The following AASDH variants were observed in gnomAD, a reference collection of about 807,000 sequenced individuals.
AASDH encodes the protein beta-alanine-activating enzyme.
A neutral mutation model predicts 102.3 loss-of-function variants in AASDH; 81 were observed. That is an observed-to-expected ratio of 0.79 (90% confidence interval 0.66 to 0.95). AASDH has a LOEUF of 0.95. Among genes scored for constraint, AASDH ranks in the 40% least tolerant of loss-of-function variants. The pLI, the probability that AASDH is intolerant of heterozygous loss-of-function variation, is 0.00. For missense variants in AASDH, 1,203 were observed against 1,266.2 expected (o/e 0.95, Z 0.76); for synonymous variants, 398 against 454.0 (o/e 0.88, Z 1.57).
intron 6 of AASDH, 138 bp downstream of exon 6, chr4:56,355,044 T>C: frequency 8.7e-7 from 1 of 1,148,798 alleles, no homozygotes; most frequent in Non-Finnish European, 1.2e-6. Context: ...AGGAAGGTTC[T>C]GGATTCCCAA....
chr4:56,380,480 G>A (rs1752830598), intron 3 of AASDH, among the ~76,000 whole-genome samples: 1 of 152,072 alleles, frequency 6.6e-6, no homozygotes, highest in Non-Finnish European at 1.5e-5. Flanking sequence ...TAGGGGATGT[G>A]GTGTGGCCTG....
chr4:56,362,607 G>A (rs1750440597), intron 5 of AASDH, among the ~76,000 whole-genome samples: 1 of 152,078 alleles, frequency 6.6e-6, no homozygotes, highest in Non-Finnish European at 1.5e-5. Flanking sequence ...AATTAGGTCT[G>A]GGTAAGGTTT....
At chr4:56,340,802 A>G (rs1411083654) in intron 14 of AASDH, among the ~76,000 whole-genome samples, 3 of 152,240 alleles carry the variant, frequency 2.0e-5, no homozygotes, top group South Asian at 2.1e-4. Context: ...TATATAGAAT[A>G]TGAGGAACTC....
At chr4:56,346,948 G>C (rs560619870) in intron 11 of AASDH, among the ~76,000 whole-genome samples, 2 of 151,994 alleles carry the variant, frequency 1.3e-5, no homozygotes, top group African/African-American at 2.4e-5. Context: ...AGCTGAGGTG[G>C]GAGCATCACC....
intron 1 of AASDH, among the ~76,000 whole-genome samples, chr4:56,385,857 C>A (rs1178134842): frequency 6.6e-6 from 1 of 152,160 alleles, no homozygotes; most frequent in Non-Finnish European, 1.5e-5. Context: ...GATCCACCTA[C>A]CTTGGCCTCC....
At chr4:56,357,836 T>C (rs1253552998) in intron 5 of AASDH, among the ~76,000 whole-genome samples, 1 of 151,782 alleles carries the variant, frequency 6.6e-6, no homozygotes, top group Non-Finnish European at 1.5e-5. Context: ...GGACTGGGTT[T>C]CACTGTTCCA....
chr4:56,355,020 C>T (rs1749433177), intron 6 of AASDH, among the ~76,000 whole-genome samples, 162 bp downstream of exon 6: 1 of 152,152 alleles, frequency 6.6e-6, no homozygotes, highest in Non-Finnish European at 1.5e-5. Flanking sequence ...AGTATCTTGG[C>T]ACCAGCTATA....
intron 5 of AASDH, among the ~76,000 whole-genome samples, chr4:56,365,754 A>G (rs1237126962): frequency 6.6e-6 from 1 of 152,244 alleles, no homozygotes; most frequent in Non-Finnish European, 1.5e-5. Context: ...CTAAATGCCC[A>G]CAAGAGAAAG....
chr4:56,368,970 A>G (rs1024807299), intron 5 of AASDH, among the ~76,000 whole-genome samples: 2 of 152,066 alleles, frequency 1.3e-5, no homozygotes, highest in South Asian at 2.1e-4. Context: ...AAGAAAAGGC[A>G]CGTGCCTCAC....
chr4:56,379,616 C>T (rs529390579), intron 3 of AASDH, among the ~76,000 whole-genome samples: 6 of 152,196 alleles, frequency 3.9e-5, no homozygotes, highest in Non-Finnish European at 8.8e-5. Context: ...TTTTCAAAAA[C>T]ACCAGACATA....
Position 56,384,066 on chromosome 4 carries a change from T to G in AASDH, c.230+4A>C. ...ATCAAATTTACAGTTCTAAAAAATA[T>G]TACCCTAAAATCCAAGAGGGTAAGT... On this transcript the variant is annotated splice_donor_region_variant and intron_variant, in intron 2 of 14. Coordinates refer to ENST00000205214, the MANE Select transcript of AASDH (RefSeq NM_181806.4). The G allele has an allele frequency of 6.2e-7, 1 of 1,608,462 alleles. No individual in the cohort carries two copies. Among genetic ancestry groups the G allele is most frequent in the Non-Finnish European group, 8.5e-7 (1 of 1,175,068 alleles).
chr4:56,360,732 T>C (rs954503319), intron 5 of AASDH, among the ~76,000 whole-genome samples: 9 of 152,198 alleles, frequency 5.9e-5, no homozygotes, highest in Admixed American at 5.9e-4. Context: ...TTTTAAATTG[T>C]TTCTCTCAAT....
chr4:56,355,122 T>C (rs1749445778), intron 6 of AASDH, 60 bp downstream of exon 6: 27 of 1,537,932 alleles, frequency 1.8e-5, no homozygotes, highest in East Asian at 2.3e-5. Flanking sequence ...ACACTGTCAG[T>C]GTTAAGATCC....
intron 3 of AASDH, among the ~76,000 whole-genome samples, chr4:56,378,820 T>C (rs1752647950): frequency 6.6e-6 from 1 of 151,666 alleles, no homozygotes; most frequent in Non-Finnish European, 1.5e-5. Flanking sequence ...CTTTTTTTTT[T>C]TCTTGAGACA....
intron 3 of AASDH, 92 bp from the exon 4 acceptor site, chr4:56,378,556 A>AAGGATACTGAGGGAT: frequency 6.2e-6 from 7 of 1,129,452 alleles, no homozygotes; most frequent in Non-Finnish European, 8.7e-6. Context: ...GTCATCCCTC[A>AAGGATACTGAGGGAT]GTATCCTTGG....
At chr4:56,365,077 G>T (rs1331622666) in intron 5 of AASDH, among the ~76,000 whole-genome samples, 3 of 151,692 alleles carry the variant, frequency 2.0e-5, no homozygotes, top group Non-Finnish European at 4.4e-5. Flanking sequence ...TCCTAGTCTC[G>T]GATAAAATAG....
Position 56,349,292 on chromosome 4 carries a change from A to G in AASDH, c.2459T>C (p.Val820Ala), listed in dbSNP as rs1436724599. The G allele has an allele frequency of 6.2e-7, 1 of 1,614,198 alleles. No individual in the cohort carries two copies. The highest frequency in any genetic ancestry group is 1.1e-5 in the South Asian group (1 of 91,070). ...LGDRIESSACVSKCGNFIVVG... is the reference protein window; with the variant it reads ...LGDRIESSACASKCGNFIVVG... ...CACAATAAAGTTTCCACACTTAGAT[A>G]CACATGCTGAGGATTCAATTCGATC... Residue 820 changes from valine to alanine, a missense_variant, in exon 11 of 15, where the codon GTA becomes GCA. Coordinates refer to ENST00000205214, the MANE Select transcript of AASDH (RefSeq NM_181806.4).
chr4:56,368,195 C>G (rs963957694), intron 5 of AASDH, among the ~76,000 whole-genome samples: 17 of 152,066 alleles, frequency 1.1e-4, no homozygotes, highest in Admixed American at 8.5e-4. Context: ...GTTAGAATGG[C>G]GATCATTAAA....
intron 4 of AASDH, among the ~76,000 whole-genome samples, chr4:56,374,367 C>CAAAAAAAAAAAAAAAAAA (rs752531940): frequency 9.1e-6 from 1 of 110,258 alleles, no homozygotes. Flanking sequence ...GACTCTGTCT[C>CAAAAAAAAAAAAAAAAAA]AGAAAAAAAA....
Sources: gnomAD v4.1 joint callset for allele counts (sites outside exome capture counted in the v4.1 genomes callset) on GRCh38, gnomAD v4.1.1 for gene constraint, MANE v1.5 for transcripts, NCBI Gene and HGNC (gene_info 2026-07-23, HGNC 2026-07-21) for gene names.